ERAP1: variants seen among roughly 807,000 people sequenced by gnomAD.
ERAP1 encodes the protein adipocyte-derived leucine aminopeptidase.
ERAP1 carries 86 observed loss-of-function variants against 103.7 expected under a neutral mutation model. That is an observed-to-expected ratio of 0.83 (90% CI 0.70 to 0.99). The LOEUF (loss-of-function observed/expected upper bound fraction) is 0.99, where lower values mean the gene tolerates loss of function less well. Among genes scored for constraint, ERAP1 ranks in the 50% least tolerant of loss-of-function variants. The pLI is 0.00. For missense variants in ERAP1, 1,009 were observed against 1,128.4 expected (o/e 0.89, Z 1.52); for synonymous variants, 398 against 402.4 (o/e 0.99, Z 0.13).
At chr5:96,812,338 C>T (rs1003768282), upstream of ERAP1, among the ~76,000 whole-genome samples, 2 of 152,158 alleles carry the variant, frequency 1.3e-5, no homozygotes, top group Non-Finnish European at 2.9e-5. Context: ...GATCTATACC[C>T]GTTATGGTGA....
At chr5:96,780,605 T>C in intron 17 of ERAP1, 101 bp from the exon 18 acceptor site, 1 of 931,348 alleles carries the variant, frequency 1.1e-6, no homozygotes, top group African/African-American at 1.6e-5. Flanking sequence ...TAAAAACTGA[T>C]CGGTGTGAAA....
At chr5:96,815,514 C>T in the ERAP1 span, among the ~76,000 whole-genome samples, 7 of 149,522 alleles carry the variant, frequency 4.7e-5, no homozygotes, top group East Asian at 2.0e-4. Flanking sequence ...CATGTTCAAG[C>T]GATTCTCCTG....
At chr5:96,807,191 T>C (rs1778718505) in intron 1 of ERAP1, among the ~76,000 whole-genome samples, 1 of 152,128 alleles carries the variant, frequency 6.6e-6, no homozygotes, top group African/African-American at 2.4e-5. Context: ...AACTTTTAAT[T>C]TGCGTCAACA....
At chr5:96,904,926 G>A in the ERAP1 span, among the ~76,000 whole-genome samples, 1 of 152,132 alleles carries the variant, frequency 6.6e-6, no homozygotes, top group African/African-American at 2.4e-5. Context: ...AAAATTTCAA[G>A]AAGATTTCAG....
the ERAP1 span, among the ~76,000 whole-genome samples, chr5:96,838,958 G>T: frequency 2.0e-5 from 3 of 152,332 alleles, no homozygotes; most frequent in South Asian, 2.1e-4. Flanking sequence ...GATTCCCCAG[G>T]CCGTGCACAC....
At chr5:96,784,765 GGA>G in intron 13 of ERAP1, 2 of 152,998 alleles carry the variant, frequency 1.3e-5, no homozygotes, top group Admixed American at 1.3e-4. Context: ...AGTTCCTGGA[GGA>G]AACACATTTT....
the ERAP1 span, among the ~76,000 whole-genome samples, chr5:96,906,049 A>T: frequency 6.7e-6 from 1 of 148,842 alleles, no homozygotes; most frequent in South Asian, 2.1e-4. Context: ...TGCTCAGTTT[A>T]CAGGCATGAG....
rs754994723 is a variant in ERAP1 at position 96,783,989 on chromosome 5, C to T, written c.2035G>A (p.Glu679Lys). 6.2e-7 allele frequency: 1 copy of T among 1,613,870 alleles called. No individual in the cohort carries two copies. Among genetic ancestry groups the T allele is most frequent in the African/African-American group, 1.3e-5 (1 of 74,898 alleles). Residue 679 changes from glutamate (E) to lysine (K), a missense_variant, in exon 14 of 19, where the codon GAG (glutamate) becomes AAG (lysine). Glu to Lys is a moderately conservative substitution (Grantham distance 56). This residue lies in a region of ERAP1 where 611 missense variants were observed against 651.7 expected (regional missense o/e 0.94). Transcript: ENST00000443439. Reference sequence around the variant, plus strand: ...ATTAACTTATACATAGGAATCAGCTCATTCAAACCTTGAAACACGGGCATA... The same window carrying T: ...ATTAACTTATACATAGGAATCAGCTTATTCAAACCTTGAAACACGGGCATA... ...EIMPVFQGLN[E>K]LIPMYKLMEK...
At chr5:96,844,958 G>C in the ERAP1 span, among the ~76,000 whole-genome samples, 1 of 152,140 alleles carries the variant, frequency 6.6e-6, no homozygotes. Flanking sequence ...AATTGGGTGA[G>C]AAAAATTATG....
chr5:96,840,363 C>A, the ERAP1 span, among the ~76,000 whole-genome samples: 7 of 152,194 alleles, frequency 4.6e-5, no homozygotes, highest in Admixed American at 2.0e-4. Flanking sequence ...TCCTGGAAGA[C>A]ATATTAATTG....
chr5:96,878,492 C>T, the ERAP1 span, among the ~76,000 whole-genome samples: 2 of 152,064 alleles, frequency 1.3e-5, no homozygotes, highest in African/African-American at 4.8e-5. Flanking sequence ...AGACATCTTG[C>T]ACAGTTTACT....
In ERAP1 at chr5:96,776,494, G is replaced by A. The variant is rs749335992; in HGVS notation, c.2728C>T (p.Gln910Ter). The change falls in exon 19 of 19, where the codon CAG becomes TAG. Residue 910 changes from glutamine to a stop codon, truncating the protein, a stop_gained. Transcript: ENST00000443439. LOFTEE classifies it high-confidence loss of function. ...TTTTCTTCAATGGTTTCAATTGTCT[G>A]TTGGACACAACGGAGCTGAGAACCA... The part of the protein sequence containing the change: ...ENGSQLRCVQ[Q>*]TIETIEENIG... 1 of 1,614,066 alleles carries A rather than the reference G, an allele frequency of 6.2e-7. No individual in the cohort carries two copies. Among genetic ancestry groups the A allele is most frequent in the African/African-American group, 1.3e-5 (1 of 74,934 alleles).
intron 19 of ERAP1, chr5:96,767,968 C>T: frequency 3.7e-6 from 6 of 1,613,162 alleles, no homozygotes; most frequent in African/African-American, 2.7e-5. Flanking sequence ...AGCTGTCCCT[C>T]CACTACAGAA....
the ERAP1 span, among the ~76,000 whole-genome samples, chr5:96,836,104 A>T: frequency 1.3e-5 from 2 of 150,938 alleles, no homozygotes; most frequent in Non-Finnish European, 3.0e-5. Flanking sequence ...TATTTCTGGT[A>T]TTGAAAAAAT....
the ERAP1 span, among the ~76,000 whole-genome samples, chr5:96,842,624 T>C: frequency 6.6e-6 from 1 of 152,242 alleles, no homozygotes; most frequent in South Asian, 2.1e-4. Context: ...TTGCCCACTT[T>C]TTGATGGGAT....
At position 96,776,347 on chromosome 5, in the gene ERAP1, C is replaced by G. The variant is rs1213537305; in HGVS notation, c.*49G>C. 2 of 1,578,054 alleles carry G rather than the reference C, an allele frequency of 1.3e-6. No individual in the cohort carries two copies. The highest frequency in any genetic ancestry group is 2.3e-5 in the South Asian group (2 of 85,442). On this transcript the variant is annotated 3_prime_UTR_variant, in exon 19 of 19. Transcript: ENST00000443439. ...ATCTCTAGTTTGAAAATACACTCAA[C>G]AAAATGTTGGTGATTAGAGATAACA...
At chr5:96,893,580 G>A in the ERAP1 span, among the ~76,000 whole-genome samples, 1 of 152,170 alleles carries the variant, frequency 6.6e-6, no homozygotes, top group Non-Finnish European at 1.5e-5. Flanking sequence ...TGTTTGTAGG[G>A]AAGTGCTCTG....
At chr5:96,829,309 G>A in the ERAP1 span, among the ~76,000 whole-genome samples, 1 of 152,098 alleles carries the variant, frequency 6.6e-6, no homozygotes, top group Non-Finnish European at 1.5e-5. Context: ...AATTTAATAT[G>A]ATTACTTATA....
intron 3 of ERAP1, among the ~76,000 whole-genome samples, chr5:96,799,812 A>T (rs1777775728): frequency 6.6e-6 from 1 of 152,236 alleles, no homozygotes; most frequent in South Asian, 2.1e-4. Context: ...GAGTGGGGAC[A>T]GAAGTTCTTG....
Sources: gnomAD v4.1 joint callset for allele counts (sites outside exome capture counted in the v4.1 genomes callset) on GRCh38, gnomAD v4.1.1 for gene constraint, gnomAD v4.1.1 regional missense constraint, MANE v1.5 for transcripts, NCBI Gene and HGNC (gene_info 2026-07-23, HGNC 2026-07-21) for gene names.